Variants in SEM1 observed in about 807,000 individuals in gnomAD.
The protein encoded by SEM1 is 26S proteasome complex subunit SEM1.
A neutral mutation model predicts 12.7 loss-of-function variants in SEM1; 3 were observed. The observed-to-expected ratio is 0.24, with a 90% CI of 0.11 to 0.61. The LOEUF is 0.61. Ranked by LOEUF, SEM1 falls within the 20% of genes least tolerant of loss-of-function variation. The probability of loss-of-function intolerance (pLI) is 0.88; values close to 1 mark genes in which losing one functional copy is unlikely to be tolerated. For missense variants in SEM1, 59 were observed against 81.3 expected (o/e 0.73, Z 1.06); for synonymous variants, 30 against 27.8 (o/e 1.08, Z -0.25).
intron 2 of SEM1, among the ~76,000 whole-genome samples, chr7:96,647,197 T>A (rs1387883715): frequency 6.6e-6 from 1 of 152,200 alleles, no homozygotes; most frequent in Non-Finnish European, 1.5e-5. Context: ...TAGCACTGCA[T>A]GCTCTCTTTA....
rs553777646 is a variant in SEM1, at chr7:96,572,177, T to C, written c.171-65479A>G. On this transcript the variant is annotated intron_variant and NMD_transcript_variant, in intron 2 of 3. Transcript: ENST00000466986. ...GTGTCTATTTGATTCTTCTCTCTTT[T>C]CTTCATTAGTCTGGCTAACCATCTA... Among the ~76,000 whole-genome samples, 8 of 152,300 alleles carry C rather than the reference T, an allele frequency of 5.3e-5. No individual in the cohort carries two copies. The East Asian group carries it at 1.5e-3, about 29-fold the overall frequency.
chr7:96,562,783 C>A (rs775703944), intron 2 of SEM1, among the ~76,000 whole-genome samples: 1 of 152,120 alleles, frequency 6.6e-6, no homozygotes, highest in Non-Finnish European at 1.5e-5. Flanking sequence ...TGAGTTTCAG[C>A]AGATAGGTAG....
intron 2 of SEM1, among the ~76,000 whole-genome samples, chr7:96,605,628 G>A (rs1176685972): frequency 2.6e-5 from 4 of 151,986 alleles, no homozygotes; most frequent in Non-Finnish European, 2.9e-5. Context: ...TTTACCAGTT[G>A]AATTGATTTG....
chr7:96,609,982 A>C (rs927882434), intron 2 of SEM1, among the ~76,000 whole-genome samples: 12 of 152,216 alleles, frequency 7.9e-5, no homozygotes, highest in Non-Finnish European at 1.0e-4. Context: ...TGGTCCAGAT[A>C]TGATCACCTG....
chr7:96,522,725 C>G (rs1003984961), intron 2 of SEM1, among the ~76,000 whole-genome samples: 3 of 119,626 alleles, frequency 2.5e-5, no homozygotes, highest in Admixed American at 8.6e-5. Flanking sequence ...TAAAAATACC[C>G]CCCCCCCAAA....
chr7:96,606,443 C>A (rs1267065103), intron 2 of SEM1, among the ~76,000 whole-genome samples: 1 of 152,178 alleles, frequency 6.6e-6, no homozygotes. Context: ...AAGCTCTTCC[C>A]ACAGAGAGGA....
At chr7:96,504,988 T>C (rs753547732) in intron 3 of SEM1, among the ~76,000 whole-genome samples, 2 of 152,044 alleles carry the variant, frequency 1.3e-5, no homozygotes, top group Non-Finnish European at 2.9e-5. Context: ...TCTGACTGTA[T>C]TTCCCATAAA....
At chr7:96,566,808 T>C (rs938676205) in intron 2 of SEM1, among the ~76,000 whole-genome samples, 1 of 151,688 alleles carries the variant, frequency 6.6e-6, no homozygotes, top group African/African-American at 2.4e-5. Flanking sequence ...TGATTTCATC[T>C]TGGTATAAAT....
intron 2 of SEM1, among the ~76,000 whole-genome samples, chr7:96,589,371 T>C (rs1806756351): frequency 6.6e-6 from 1 of 152,196 alleles, no homozygotes; most frequent in Non-Finnish European, 1.5e-5. Flanking sequence ...CAGGCTGTGC[T>C]CTTCGGTCAC....
chr7:96,690,267 A>C (rs1420629175), intron 2 of SEM1, among the ~76,000 whole-genome samples: 1 of 152,146 alleles, frequency 6.6e-6, no homozygotes, highest in Non-Finnish European at 1.5e-5. Flanking sequence ...GAACAAAAAA[A>C]CCCCAAAGTT....
At chr7:96,626,681 A>G (rs1213914292) in intron 2 of SEM1, among the ~76,000 whole-genome samples, 1 of 151,922 alleles carries the variant, frequency 6.6e-6, no homozygotes, top group Non-Finnish European at 1.5e-5. Context: ...GTTGAATTCA[A>G]TTTGCTAGTA....
chr7:96,495,136 G>A lies in SEM1; in HGVS notation c.12+1148C>T, dbSNP rs544893671. ...TATTCTAATGATATTTCAGGCCATAGAAATATTGTGAAATATAAGATTAAT... is the reference window on the plus strand; with the variant it reads ...TATTCTAATGATATTTCAGGCCATAAAAATATTGTGAAATATAAGATTAAT... On this transcript the variant is annotated intron_variant, in intron 1 of 3. Coordinates refer to the SEM1 transcript ENST00000356686. Among the ~76,000 whole-genome samples, 982 of 152,112 alleles carry A rather than the reference G, an allele frequency of 6.5e-3. 11 individuals are homozygous for A. Among genetic ancestry groups the A allele is most frequent in the African/African-American group, 0.022 (932 of 41,456 alleles).
intron 2 of SEM1, among the ~76,000 whole-genome samples, chr7:96,631,609 A>C (rs1223474988): frequency 3.3e-5 from 5 of 152,164 alleles, no homozygotes; most frequent in African/African-American, 1.2e-4. Flanking sequence ...CCCTAGAAGA[A>C]AACCTGGGCA....
At chr7:96,641,167 AAAAT>A (rs1293649018) in intron 2 of SEM1, among the ~76,000 whole-genome samples, 10 of 151,920 alleles carry the variant, frequency 6.6e-5, no homozygotes, top group East Asian at 5.8e-4. Context: ...ATAAAAAATA[AAAAT>A]AAATAAATCC....
rs530827631 is a variant in SEM1, at chr7:96,540,301, G to A, written c.171-33603C>T. On this transcript the variant is annotated intron_variant and NMD_transcript_variant, in intron 2 of 3. Transcript: ENST00000466986. Reference sequence around the variant, plus strand: ...AGGGAAAAGAAATCAAGACAATGTCGGGTTCACACAATACACAAAAATAAA... The same window carrying A: ...AGGGAAAAGAAATCAAGACAATGTCAGGTTCACACAATACACAAAAATAAA... 7.9e-5 allele frequency among the ~76,000 whole-genome samples: 12 copies of A among 151,520 alleles called. No individual in the cohort carries two copies. In the East Asian group the frequency reaches 2.1e-3, roughly 27 times the overall value.
At chr7:96,521,651 GTTC>G (rs1804274493) in intron 2 of SEM1, among the ~76,000 whole-genome samples, 1 of 152,094 alleles carries the variant, frequency 6.6e-6, no homozygotes, top group Admixed American at 6.6e-5. Flanking sequence ...GCAGTTTCAT[GTTC>G]TTCTGTCTTT....
intron 2 of SEM1, among the ~76,000 whole-genome samples, chr7:96,523,182 T>C (rs1804340440): frequency 6.6e-6 from 1 of 152,146 alleles, no homozygotes; most frequent in African/African-American, 2.4e-5. Context: ...AAATCCAGTC[T>C]CTCTCTATAT....
intron 2 of SEM1, among the ~76,000 whole-genome samples, chr7:96,564,416 A>G (rs1805784607): frequency 6.7e-6 from 1 of 149,298 alleles, no homozygotes; most frequent in African/African-American, 2.5e-5. Context: ...GATGCCATCC[A>G]AAAAAAAAAT....
At chr7:96,531,430 A>C (rs1804638154) in intron 2 of SEM1, among the ~76,000 whole-genome samples, 1 of 124,414 alleles carries the variant, frequency 8.0e-6, no homozygotes, top group South Asian at 2.2e-4. Flanking sequence ...AAAAAACAAC[A>C]AAAAAAAACA....
Sources: allele counts gnomAD v4.1 joint callset (sites outside exome capture counted in the v4.1 genomes callset), GRCh38; gene constraint gnomAD v4.1.1; transcripts MANE v1.5; gene names NCBI Gene and HGNC (gene_info 2026-07-23, HGNC 2026-07-21).